The following MACROD2 variants were observed in gnomAD, a reference collection of about 807,000 sequenced individuals.
MACROD2 encodes the protein mono-ADP ribosylhydrolase 2.
In MACROD2, 36 loss-of-function variants were observed where a neutral mutation model predicts 70.4. The observed-to-expected ratio is 0.51, with a 90% CI of 0.39 to 0.68. MACROD2 has a LOEUF of 0.68. Among genes scored for constraint, MACROD2 ranks in the 30% least tolerant of loss-of-function variants. MACROD2 has a pLI of 0.00. For synonymous variants in MACROD2, 172 were observed against 178.8 expected (o/e 0.96, Z 0.30); for missense variants, 496 against 538.4 (o/e 0.92, Z 0.78).
chr20:16,034,128 T>G (rs1357223620), intron 15 of MACROD2, among the ~76,000 whole-genome samples: 1 of 152,076 alleles, frequency 6.6e-6, no homozygotes, highest in African/African-American at 2.4e-5. Context: ...TGTGAATGAA[T>G]AAATCCATGC....
At position 15,568,413 on chromosome 20, in the gene MACROD2, G is replaced by A. The variant is rs2048336243; in HGVS notation, c.645+68566G>A. Among the ~76,000 whole-genome samples, 3 of 152,304 alleles carry A rather than the reference G, an allele frequency of 2.0e-5. No homozygotes were observed. The South Asian group carries it at 6.2e-4, about 32-fold the overall frequency. On this transcript the variant is annotated intron_variant, in intron 8 of 17. Coordinates refer to ENST00000684519, the MANE Select transcript of MACROD2 (RefSeq NM_001351661.2). ...AATGTTCAGTGACTAGACACACAGA[G>A]ACTTTATCCCTTGCTCTTACCCTAT...
intron 5 of MACROD2, among the ~76,000 whole-genome samples, chr20:14,926,828 T>C (rs932900): frequency 0.51 from 77,910 of 151,956 alleles, 20,408 homozygotes; most frequent in South Asian, 0.71. Flanking sequence ...GCAGGGGGTG[T>C]GGGAGCCAAA....
chr20:15,892,161 T>C (rs2147222080), intron 10 of MACROD2, among the ~76,000 whole-genome samples: 1 of 152,132 alleles, frequency 6.6e-6, no homozygotes, highest in South Asian at 2.1e-4. Context: ...GTGGTGAAGG[T>C]GGAGAGTGGA....
At chr20:15,356,330 A>G (rs1378779186) in intron 6 of MACROD2, among the ~76,000 whole-genome samples, 1 of 152,230 alleles carries the variant, frequency 6.6e-6, no homozygotes, top group East Asian at 1.9e-4. Context: ...TGGCATAAGT[A>G]TAGTAAGGAC....
At chr20:15,692,188 C>T (rs74455532) in intron 8 of MACROD2, among the ~76,000 whole-genome samples, 2,484 of 152,148 alleles carry the variant, frequency 0.016, 75 homozygotes, top group African/African-American at 0.057. Flanking sequence ...GCCTGCCATG[C>T]GGTAGGCACT....
intron 5 of MACROD2, among the ~76,000 whole-genome samples, chr20:15,099,268 A>G (rs2123188793): frequency 6.6e-6 from 1 of 152,320 alleles, no homozygotes; most frequent in Admixed American, 6.5e-5. Context: ...AAGTGGTGGT[A>G]TTTCAAGTTG....
chr20:15,566,005 G>A (rs1359254624), intron 8 of MACROD2, among the ~76,000 whole-genome samples: 1 of 152,108 alleles, frequency 6.6e-6, no homozygotes, highest in African/African-American at 2.4e-5. Flanking sequence ...ACTCAGGCAC[G>A]TGATCTCTGA....
chr20:14,542,417 T>G (rs2085445036), intron 4 of MACROD2, among the ~76,000 whole-genome samples: 1 of 152,236 alleles, frequency 6.6e-6, no homozygotes, highest in South Asian at 2.1e-4. Context: ...AAAAGGGAGC[T>G]TATACTAAGT....
At chr20:14,884,461 A>T (rs1006466311) in intron 5 of MACROD2, 1 of 152,034 alleles carries the variant, frequency 6.6e-6, no homozygotes, top group Admixed American at 6.6e-5. Context: ...GGGGTCATTG[A>T]TTCTTTGGAT....
chr20:14,109,968 A>G (rs1345638621), intron 3 of MACROD2, among the ~76,000 whole-genome samples: 1 of 151,976 alleles, frequency 6.6e-6, no homozygotes, highest in Non-Finnish European at 1.5e-5. Flanking sequence ...ATTGATACAA[A>G]AATCCTTACT....
rs148183959 is a variant in MACROD2, at chr20:15,147,145, C to T, written c.419-82795C>T. The stretch of plus-strand genomic sequence containing the variant: ...AAAAAAGTGAGCCTTACCCTGGGGG[C>T]GGGAGCTCCACATGGCATATTCAAG... On this transcript the variant is annotated intron_variant, in intron 5 of 17. Transcript: ENST00000684519. Among the ~76,000 whole-genome samples the T allele has an allele frequency of 3.4e-3, 520 of 152,142 alleles. 4 individuals are homozygous for T. The highest frequency in any genetic ancestry group is 0.011 in the African/African-American group (462 of 41,502).
Position 14,447,870 on chromosome 20 carries a change from A to G in MACROD2, c.272-45609A>G, listed in dbSNP as rs2084199862. On this transcript the variant is annotated intron_variant, in intron 3 of 17. Coordinates refer to ENST00000684519, the MANE Select transcript of MACROD2 (RefSeq NM_001351661.2). ...TTGAGTAATGGAAGATGGGAAAACTAGAGGCTGAGGGGGAATTAGCTGCTG... is the reference window on the plus strand; with the variant it reads ...TTGAGTAATGGAAGATGGGAAAACTGGAGGCTGAGGGGGAATTAGCTGCTG... Among the ~76,000 whole-genome samples the G allele has an allele frequency of 2.0e-5, 3 of 151,800 alleles. No individual in the cohort carries two copies. In the South Asian group the frequency reaches 6.2e-4, roughly 31 times the overall value.
chr20:14,263,953 C>T (rs1008590925), intron 3 of MACROD2, among the ~76,000 whole-genome samples: 9 of 143,260 alleles, frequency 6.3e-5, no homozygotes, highest in African/African-American at 2.4e-4. Context: ...GCCTGGGTGA[C>T]AGAGCAAGAC....
In MACROD2 at chr20:15,390,221, C is replaced by G. The variant is rs563289372; in HGVS notation, c.541-41184C>G. 9.8e-5 allele frequency among the ~76,000 whole-genome samples: 15 copies of G among 152,288 alleles called. 1 individual carries two copies. The highest frequency in any genetic ancestry group is 3.3e-4 in the Admixed American group (5 of 15,292). Reference sequence around the variant, plus strand: ...CTCGTCCTAGGAGGGATGACTATTACGGCAGAGTCCCCTCCTCCTGATCCT... The same window carrying G: ...CTCGTCCTAGGAGGGATGACTATTAGGGCAGAGTCCCCTCCTCCTGATCCT... On this transcript the variant is annotated intron_variant, in intron 6 of 17. Transcript: ENST00000684519.
intron 5 of MACROD2, among the ~76,000 whole-genome samples, chr20:14,756,977 A>C (rs2071949673): frequency 6.6e-6 from 1 of 152,018 alleles, no homozygotes; most frequent in African/African-American, 2.4e-5. Flanking sequence ...TTCCCTTTCC[A>C]CCATGACTGT....
chr20:14,633,398 TAA>T (rs1984619607), intron 4 of MACROD2, among the ~76,000 whole-genome samples: 1 of 152,166 alleles, frequency 6.6e-6, no homozygotes, highest in Non-Finnish European at 1.5e-5. Context: ...TATTCATATT[TAA>T]TCTTCTTCAA....
chr20:14,944,999 C>T (rs563273703), intron 5 of MACROD2, among the ~76,000 whole-genome samples: 2 of 152,274 alleles, frequency 1.3e-5, no homozygotes, highest in East Asian at 1.9e-4. Context: ...TTTTCCTGCA[C>T]AAATCCAGCC....
chr20:15,410,961 CTT>C (rs1445422577), intron 6 of MACROD2, among the ~76,000 whole-genome samples: 1 of 152,114 alleles, frequency 6.6e-6, no homozygotes, highest in Non-Finnish European at 1.5e-5. Flanking sequence ...GCCGTACAAT[CTT>C]TTTAGGCAAC....
intron 3 of MACROD2, among the ~76,000 whole-genome samples, chr20:14,453,144 A>G (rs2084263083): frequency 6.6e-6 from 1 of 152,094 alleles, no homozygotes; most frequent in Admixed American, 6.6e-5. Context: ...ATTCATTGAT[A>G]TTGGTGCTGA....
Sources: allele counts gnomAD v4.1 joint callset (sites outside exome capture counted in the v4.1 genomes callset), GRCh38; gene constraint gnomAD v4.1.1; transcripts MANE v1.5; gene names NCBI Gene and HGNC (gene_info 2026-07-23, HGNC 2026-07-21).